CLYBL: variants seen among roughly 807,000 people sequenced by gnomAD.
CLYBL encodes citramalyl-CoA lyase, mitochondrial.
Under a neutral mutation model 38.9 loss-of-function variants are expected in CLYBL, and 31 were observed. The ratio of observed to expected loss-of-function variants is 0.80; its 90% confidence interval spans 0.60 to 1.08. CLYBL has a LOEUF of 1.08. CLYBL is among the 50% of genes least tolerant of loss of function. The pLI, the probability that CLYBL is intolerant of heterozygous loss-of-function variation, is 0.00. For synonymous variants in CLYBL, 171 were observed against 158.6 expected, an observed-to-expected ratio of 1.08 and a Z score of -0.59; for missense variants, 434 against 411.6, an observed-to-expected ratio of 1.05 and a Z score of -0.47.
chr13:99,905,276 C>G (rs375339893), exon 9 of CLYBL, among the ~76,000 whole-genome samples: 15 of 152,150 alleles, frequency 9.9e-5, no homozygotes, highest in South Asian at 2.1e-4. Context: ...AAAGGGAATG[C>G]TGAGCTGCAA....
At chr13:99,611,794 C>T (rs796488082) in intron 1 of CLYBL, among the ~76,000 whole-genome samples, 3 of 152,346 alleles carry the variant, frequency 2.0e-5, no homozygotes, top group African/African-American at 7.2e-5. Context: ...TATTGCCATT[C>T]AGATTATCTA....
chr13:99,685,384 T>C (rs1012161636), intron 1 of CLYBL, among the ~76,000 whole-genome samples: 2 of 152,186 alleles, frequency 1.3e-5, no homozygotes, highest in Non-Finnish European at 2.9e-5. Context: ...GAAAAGCCAA[T>C]GTTTCAACAT....
intron 2 of CLYBL, among the ~76,000 whole-genome samples, chr13:99,847,669 C>G (rs997012200): frequency 2.0e-5 from 3 of 152,170 alleles, no homozygotes; most frequent in Admixed American, 2.0e-4. Flanking sequence ...GAGAAACCCA[C>G]GTACAGATAC....
chr13:99,885,775 T>C (rs2052334780), intron 7 of CLYBL, among the ~76,000 whole-genome samples: 1 of 152,030 alleles, frequency 6.6e-6, no homozygotes, highest in East Asian at 1.9e-4. Flanking sequence ...AGTTGCAAAA[T>C]AGGAAAGAAG....
In CLYBL at chr13:99,864,470, T is replaced by C. The variant is rs1223514689; in HGVS notation, c.541-348T>C. On this transcript the variant is annotated intron_variant, in intron 4 of 8. Coordinates refer to ENST00000339105, the MANE Select transcript of CLYBL (RefSeq NM_206808.5). ...AAAATTCCTTCCTTCTCCCCTGTGG[T>C]TTTACGAGAGTCTCTTAAAGCAAAA... Among the ~76,000 whole-genome samples, 4 of 152,320 alleles carry C rather than the reference T, an allele frequency of 2.6e-5. No homozygotes were observed. In the East Asian group the frequency reaches 5.8e-4, roughly 22 times the overall value.
intron 1 of CLYBL, among the ~76,000 whole-genome samples, chr13:99,766,446 A>C (rs182865637): frequency 6.6e-6 from 1 of 152,152 alleles, no homozygotes; most frequent in Non-Finnish European, 1.5e-5. Context: ...CTTAAAGATC[A>C]CTGAGTTTCC....
chr13:99,891,476 C>T, intron 8 of CLYBL, 39 bp downstream of exon 8: 1 of 1,165,792 alleles, frequency 8.6e-7, no homozygotes, highest in Non-Finnish European at 1.3e-6. Flanking sequence ...TAAAGACAAA[C>T]CACAATACTC....
chr13:99,766,566 G>T (rs2049271508), intron 1 of CLYBL, among the ~76,000 whole-genome samples: 1 of 152,092 alleles, frequency 6.6e-6, no homozygotes, highest in African/African-American at 2.4e-5. Context: ...ATGATTCCCT[G>T]TTTGCTGTTG....
rs1225834098 is a variant in CLYBL at position 99,866,434 on chromosome 13, G to C, written c.802+27G>C. The stretch of plus-strand genomic sequence containing the variant: ...TATGATTCCTGTCTTAGAAAGCAGT[G>C]TCTAAATTAGCAAGCATTCCAGAAA... On this transcript the variant is annotated intron_variant, in intron 6 of 8. Transcript: ENST00000339105. 3 of 1,589,914 alleles carry C rather than the reference G, an allele frequency of 1.9e-6. No individual in the cohort carries two copies. The African/African-American group carries it at 4.1e-5, about 22-fold the overall frequency.
intron 1 of CLYBL, among the ~76,000 whole-genome samples, chr13:99,742,267 A>G (rs1370774297): frequency 6.6e-6 from 1 of 152,202 alleles, no homozygotes; most frequent in Non-Finnish European, 1.5e-5. Flanking sequence ...TTACCATTCA[A>G]CAGCTTACCC....
rs919968497 is a variant in CLYBL, at chr13:99,694,373, C to T, written c.63-78451C>T. 6.6e-5 allele frequency among the ~76,000 whole-genome samples: 10 copies of T among 152,196 alleles called. 1 individual carries two copies. The highest frequency in any genetic ancestry group is 4.1e-4 in the South Asian group (2 of 4,834). ...GTGTTACAGCTGCAACCAAAGCGTGCGTTTTCCTTCCCCAAGTCTGTGTTG... is the reference window on the plus strand; with the variant it reads ...GTGTTACAGCTGCAACCAAAGCGTGTGTTTTCCTTCCCCAAGTCTGTGTTG... On this transcript the variant is annotated intron_variant, in intron 1 of 8. Coordinates refer to ENST00000339105, the MANE Select transcript of CLYBL (RefSeq NM_206808.5).
intron 1 of CLYBL, among the ~76,000 whole-genome samples, chr13:99,708,023 A>C (rs1384023838): frequency 6.6e-6 from 1 of 152,096 alleles, no homozygotes; most frequent in Non-Finnish European, 1.5e-5. Context: ...TTGCTCTGTC[A>C]CCCAGGCTGG....
chr13:99,621,951 G>A (rs2046804309), intron 1 of CLYBL, among the ~76,000 whole-genome samples: 1 of 152,212 alleles, frequency 6.6e-6, no homozygotes, highest in Non-Finnish European at 1.5e-5. Context: ...AAACCAAGGT[G>A]TTTACAGGGA....
intron 2 of CLYBL, among the ~76,000 whole-genome samples, chr13:99,785,821 C>T (rs1435070468): frequency 6.6e-6 from 1 of 152,150 alleles, no homozygotes; most frequent in African/African-American, 2.4e-5. Flanking sequence ...TGGTCTTGAA[C>T]TCCTGACCTC....
chr13:99,772,407 GATT>G (rs1298457134), intron 1 of CLYBL, among the ~76,000 whole-genome samples: 1 of 152,094 alleles, frequency 6.6e-6, no homozygotes, highest in Non-Finnish European at 1.5e-5. Context: ...AATTTTAAAA[GATT>G]ATCCAGCTAG....
At chr13:99,850,716 C>G (rs887522898) in intron 2 of CLYBL, among the ~76,000 whole-genome samples, 1 of 152,276 alleles carries the variant, frequency 6.6e-6, no homozygotes, top group Non-Finnish European at 1.5e-5. Flanking sequence ...CAAAGAGAAA[C>G]CCATATGCCA....
At chr13:99,820,475 C>T (rs182955410) in intron 2 of CLYBL, among the ~76,000 whole-genome samples, 61 of 150,974 alleles carry the variant, frequency 4.0e-4, no homozygotes, top group Middle Eastern at 6.8e-3. Flanking sequence ...TACCTCCCCC[C>T]GACTCCCCAC....
At chr13:99,872,184 T>C (rs2051922248) in intron 7 of CLYBL, among the ~76,000 whole-genome samples, 1 of 152,138 alleles carries the variant, frequency 6.6e-6, no homozygotes, top group South Asian at 2.1e-4. Context: ...CATGCACACA[T>C]GGGCACACTC....
intron 2 of CLYBL, among the ~76,000 whole-genome samples, chr13:99,839,214 G>T (rs58024487): frequency 0.027 from 4,158 of 152,300 alleles, 188 homozygotes; most frequent in African/African-American, 0.095. Flanking sequence ...CCAAACCTGG[G>T]TATGTCCAGA....
Sources: gnomAD v4.1 joint callset for allele counts (sites outside exome capture counted in the v4.1 genomes callset) on GRCh38, gnomAD v4.1.1 for gene constraint, MANE v1.5 for transcripts, NCBI Gene and HGNC (gene_info 2026-07-23, HGNC 2026-07-21) for gene names.